The following DLG2 variants were observed in gnomAD, a reference collection of about 807,000 sequenced individuals.
DLG2 encodes the protein disks large homolog 2.
Under a neutral mutation model 132.5 loss-of-function variants are expected in DLG2, and 45 were observed. The observed-to-expected ratio is 0.34, with a 90% confidence interval of 0.27 to 0.44. The LOEUF (loss-of-function observed/expected upper bound fraction) is 0.44. Among genes scored for constraint, DLG2 ranks in the 20% least tolerant of loss-of-function variants. DLG2 has a pLI of 1.00. For synonymous variants in DLG2, 424 were observed against 419.6 expected (o/e 1.01, Z -0.13); for missense variants, 1,045 against 1,196.9 (o/e 0.87, Z 1.87).
chr11:83,667,345 T>C (rs1443291878), intron 18 of DLG2, among the ~76,000 whole-genome samples: 1 of 152,196 alleles, frequency 6.6e-6, no homozygotes, highest in Non-Finnish European at 1.5e-5. Context: ...GACATTCAGA[T>C]TGACATGCAT....
At chr11:84,273,801 C>T (rs1283104174) in intron 7 of DLG2, among the ~76,000 whole-genome samples, 1 of 152,160 alleles carries the variant, frequency 6.6e-6, no homozygotes, top group Non-Finnish European at 1.5e-5. Context: ...TCCAGCTCTC[C>T]TCTCAGTTTA....
chr11:83,504,765 G>A (rs998276803), intron 21 of DLG2, among the ~76,000 whole-genome samples: 2 of 152,144 alleles, frequency 1.3e-5, no homozygotes, highest in African/African-American at 4.8e-5. Flanking sequence ...TCCTGGACCC[G>A]TGAATCCTGG....
intron 6 of DLG2, among the ~76,000 whole-genome samples, chr11:84,601,426 G>C (rs2154533052): frequency 6.6e-6 from 1 of 152,216 alleles, no homozygotes; most frequent in South Asian, 2.1e-4. Flanking sequence ...TATCATCTAA[G>C]AGCTTTAATC....
chr11:84,828,380 G>C (rs897624598), intron 6 of DLG2, among the ~76,000 whole-genome samples: 1 of 151,826 alleles, frequency 6.6e-6, no homozygotes, highest in African/African-American at 2.4e-5. Context: ...GACAAGCTAG[G>C]AGACTTTCAC....
At chr11:84,714,730 G>A (rs1235151767) in intron 6 of DLG2, among the ~76,000 whole-genome samples, 1 of 140,546 alleles carries the variant, frequency 7.1e-6, no homozygotes, top group Non-Finnish European at 1.5e-5. Flanking sequence ...CTATCATTCT[G>A]TTCTATTTTC....
At chr11:83,773,621 G>C (rs2094478378) in intron 18 of DLG2, among the ~76,000 whole-genome samples, 1 of 152,202 alleles carries the variant, frequency 6.6e-6, no homozygotes, top group Non-Finnish European at 1.5e-5. Flanking sequence ...TTTCGGCATT[G>C]AAGATCAATA....
intron 3 of DLG2, among the ~76,000 whole-genome samples, chr11:85,475,731 G>C (rs1040199543): frequency 6.6e-6 from 1 of 151,890 alleles, no homozygotes; most frequent in Non-Finnish European, 1.5e-5. Flanking sequence ...TTTCTTATTA[G>C]GCATTGTCAT....
At chr11:83,702,201 T>A (rs570952648) in intron 18 of DLG2, among the ~76,000 whole-genome samples, 1 of 152,306 alleles carries the variant, frequency 6.6e-6, no homozygotes, top group East Asian at 1.9e-4. Flanking sequence ...GGTAGTTCAC[T>A]TCTGTACAAA....
chr11:83,605,011 G>GAGAGAGAGAGAGAGAC (rs1181382651), intron 19 of DLG2, among the ~76,000 whole-genome samples: 1 of 144,982 alleles, frequency 6.9e-6, no homozygotes, highest in African/African-American at 2.5e-5. Context: ...CAAAGACAGA[G>GAGAGAGAGAGAGAGAC]AGAGAGAGAG....
intron 4 of DLG2, among the ~76,000 whole-genome samples, chr11:85,177,206 G>A (rs948878948): frequency 4.0e-5 from 6 of 151,300 alleles, no homozygotes; most frequent in Non-Finnish European, 4.4e-5. Context: ...GGAAACAGCC[G>A]AAATACTGCT....
chr11:84,687,172 C>T (rs1263990431), intron 6 of DLG2: 1 of 152,058 alleles, frequency 6.6e-6, no homozygotes, highest in African/African-American at 2.4e-5. Flanking sequence ...TTCCACAAAA[C>T]ACTGTGTGAA....
chr11:84,883,824 A>C (rs1455246291), intron 6 of DLG2, among the ~76,000 whole-genome samples: 1 of 152,104 alleles, frequency 6.6e-6, no homozygotes. Flanking sequence ...GGGTGATACT[A>C]AAATGGTTTT....
intron 6 of DLG2, among the ~76,000 whole-genome samples, chr11:84,685,054 G>C (rs183486200): frequency 4.6e-5 from 7 of 152,292 alleles, no homozygotes; most frequent in South Asian, 2.1e-4. Context: ...CCTCTTAAGG[G>C]AATTACAAGC....
At chr11:84,665,409 T>A (rs568086394) in intron 6 of DLG2, among the ~76,000 whole-genome samples, 1 of 152,286 alleles carries the variant, frequency 6.6e-6, no homozygotes, top group East Asian at 1.9e-4. Flanking sequence ...CTTCAGAGGC[T>A]AAGATCTTAC....
At chr11:84,645,313 T>C (rs1292654387) in intron 6 of DLG2, among the ~76,000 whole-genome samples, 11 of 152,152 alleles carry the variant, frequency 7.2e-5, no homozygotes, top group Non-Finnish European at 1.5e-4. Context: ...CAAGTAACTA[T>C]CAATATCTGA....
Position 83,456,939 on chromosome 11 carries a change from T to C in DLG2, c.*2879A>G, listed in dbSNP as rs2089108172. ...ATCCCGCAAAAGGCCTGCAAATAAATGGCCGACAATTCTGTGGGAGGAGAG... is the reference window on the plus strand; with the variant it reads ...ATCCCGCAAAAGGCCTGCAAATAAACGGCCGACAATTCTGTGGGAGGAGAG... On this transcript the variant is annotated 3_prime_UTR_variant, in exon 28 of 28. Transcript: ENST00000376104. 1 of 152,570 alleles carries C rather than the reference T, an allele frequency of 6.6e-6. No homozygotes were observed. 9.5% of individuals were successfully genotyped at this position (152,570 alleles called of 1,614,324 possible).
chr11:84,252,220 C>T (rs1211717154), intron 7 of DLG2, among the ~76,000 whole-genome samples: 2 of 129,890 alleles, frequency 1.5e-5, no homozygotes, highest in African/African-American at 6.0e-5. Flanking sequence ...GGTGCAAACT[C>T]GGGTCACTGC....
chr11:85,580,610 T>G (rs950239950), intron 3 of DLG2, among the ~76,000 whole-genome samples: 2 of 152,224 alleles, frequency 1.3e-5, no homozygotes, highest in African/African-American at 2.4e-5. Flanking sequence ...GTGAATACTT[T>G]TATTATCATC....
intron 9 of DLG2, among the ~76,000 whole-genome samples, chr11:84,136,118 G>C (rs1426605612): frequency 6.6e-6 from 1 of 152,122 alleles, no homozygotes; most frequent in African/African-American, 2.4e-5. Flanking sequence ...ATCCACAGTT[G>C]CATGATTTTT....
Sources: allele counts gnomAD v4.1 joint callset (sites outside exome capture counted in the v4.1 genomes callset), GRCh38; gene constraint gnomAD v4.1.1; transcripts MANE v1.5; gene names NCBI Gene and HGNC (gene_info 2026-07-23, HGNC 2026-07-21).